Variants in WDR7 observed in about 807,000 individuals in gnomAD.
WDR7 encodes WD repeat domain 7.
In WDR7, 46 loss-of-function variants were observed where a neutral mutation model predicts 169.4. That is an observed-to-expected ratio of 0.27 (90% confidence interval 0.21 to 0.35). The LOEUF (loss-of-function observed/expected upper bound fraction) is 0.35, where lower values mean the gene tolerates loss of function less well. Among genes scored for constraint, WDR7 ranks in the 10% least tolerant of loss-of-function variants. The pLI is 1.00. For missense variants in WDR7, 1,534 were observed against 1,859.3 expected, an observed-to-expected ratio of 0.83 and a Z score of 3.22; for synonymous variants, 612 against 666.8, an observed-to-expected ratio of 0.92 and a Z score of 1.27.
intron 21 of WDR7, among the ~76,000 whole-genome samples, chr18:56,919,216 A>G (rs7240714): frequency 0.81 from 123,532 of 152,102 alleles, 50,623 homozygotes; most frequent in East Asian, 0.98. Flanking sequence ...TCCCTGGAAA[A>G]TAGGGAATTA....
chr18:56,928,285 G>A (rs184782894), intron 22 of WDR7, among the ~76,000 whole-genome samples: 6 of 151,918 alleles, frequency 3.9e-5, no homozygotes, highest in Admixed American at 2.6e-4. Flanking sequence ...GTAACATAGC[G>A]AGACCCCGTC....
At chr18:56,685,448 T>C (rs1164490472) in intron 5 of WDR7, among the ~76,000 whole-genome samples, 1 of 152,204 alleles carries the variant, frequency 6.6e-6, no homozygotes, top group Admixed American at 6.5e-5. Flanking sequence ...GTGACCCTGG[T>C]GCTGTCACTA....
chr18:56,729,488 C>T (rs571903709), intron 13 of WDR7, among the ~76,000 whole-genome samples: 1 of 152,060 alleles, frequency 6.6e-6, no homozygotes, highest in Admixed American at 6.6e-5. Flanking sequence ...ACTATGAATA[C>T]TCTTCTCTAA....
At chr18:56,894,209 C>A (rs989733904) in intron 21 of WDR7, among the ~76,000 whole-genome samples, 2 of 152,030 alleles carry the variant, frequency 1.3e-5, no homozygotes, top group Non-Finnish European at 2.9e-5. Flanking sequence ...GGCTTCCTGC[C>A]TCACCGTTTT....
At chr18:56,717,635 A>G (rs2026221674) in intron 12 of WDR7, among the ~76,000 whole-genome samples, 1 of 152,234 alleles carries the variant, frequency 6.6e-6, no homozygotes, top group Non-Finnish European at 1.5e-5. Context: ...GAAAGAGCAC[A>G]CCTAATAACA....
At chr18:56,736,866 C>A (rs1355917601) in intron 14 of WDR7, among the ~76,000 whole-genome samples, 4 of 151,990 alleles carry the variant, frequency 2.6e-5, no homozygotes, top group African/African-American at 4.8e-5. Flanking sequence ...GATCACTGAG[C>A]ATTTATGTTG....
intron 20 of WDR7, among the ~76,000 whole-genome samples, chr18:56,848,295 G>A (rs1265045847): frequency 6.6e-6 from 1 of 152,114 alleles, no homozygotes; most frequent in Admixed American, 6.5e-5. Flanking sequence ...TCTTCCTTTT[G>A]GAATGGGAAT....
At position 56,989,998 on chromosome 18, in the gene WDR7, G is replaced by T. The variant is rs138705489; in HGVS notation, c.4164+27469G>T. 2.8e-4 allele frequency among the ~76,000 whole-genome samples: 42 copies of T among 152,194 alleles called. No individual in the cohort carries two copies. The East Asian group carries it at 6.4e-3, about 23-fold the overall frequency. On this transcript the variant is annotated intron_variant, in intron 26 of 27. Coordinates refer to ENST00000254442, the MANE Select transcript of WDR7 (RefSeq NM_015285.3). ...GTAAAACTAATGTCTTTCTTTAAGT[G>T]GAAAGTTAACACTTCTTAAAGCATA...
chr18:56,671,089 A>T lies in WDR7; in HGVS notation c.-19-1408A>T, dbSNP rs538111125. Among the ~76,000 whole-genome samples the T allele has an allele frequency of 2.0e-5, 3 of 152,306 alleles. No individual in the cohort carries two copies. In the East Asian group the frequency reaches 5.8e-4, roughly 29 times the overall value. On this transcript the variant is annotated intron_variant, in intron 1 of 27. Coordinates refer to ENST00000254442, the MANE Select transcript of WDR7 (RefSeq NM_015285.3). ...TCTCCTGCAAGAGGTGCACTCCAGG[A>T]TGCTCTGGTTAATCTATTACTATCT...
At chr18:56,998,435 C>T (rs1228633796) in intron 26 of WDR7, among the ~76,000 whole-genome samples, 1 of 152,080 alleles carries the variant, frequency 6.6e-6, no homozygotes, top group Non-Finnish European at 1.5e-5. Context: ...ACATGGGAGT[C>T]GGGGCATACT....
chr18:56,892,841 TTAGA>T (rs1905025308), intron 21 of WDR7, among the ~76,000 whole-genome samples: 1 of 151,920 alleles, frequency 6.6e-6, no homozygotes, highest in African/African-American at 2.4e-5. Flanking sequence ...GTAGTAACAT[TTAGA>T]TAGTTTTAGT....
chr18:56,954,661 A>T (rs972245255), intron 25 of WDR7, among the ~76,000 whole-genome samples: 1 of 152,130 alleles, frequency 6.6e-6, no homozygotes, highest in African/African-American at 2.4e-5. Context: ...CTGTTTTTCT[A>T]TGATAAATCA....
rs71169386 is a variant in WDR7, at chr18:56,666,201, CTTTTTTT to C, written c.-19-6283_-19-6277del. On this transcript the variant is annotated intron_variant, in intron 1 of 27. Transcript: ENST00000254442. ...TACTATTTCATCTTCATTCCTTCGT[CTTTTTTT>C]TTTTTTTTTTTTGAGCCGCAGTTTC... is the stretch of plus-strand genomic sequence containing the variant. Among the ~76,000 whole-genome samples, 218 of 101,018 alleles carry C rather than the reference CTTTTTTT, an allele frequency of 2.2e-3. 2 individuals carry two copies. Among genetic ancestry groups the C allele is most frequent in the African/African-American group, 7.6e-3 (207 of 27,316 alleles). 66.3% of individuals were successfully genotyped at this position (101,018 alleles called of 152,430 possible).
intron 19 of WDR7, among the ~76,000 whole-genome samples, chr18:56,811,128 T>C (rs2044861530): frequency 6.6e-6 from 1 of 152,244 alleles, no homozygotes; most frequent in Admixed American, 6.5e-5. Context: ...CTTCATTTCT[T>C]TGTATTGCTA....
At position 56,942,925 on chromosome 18, in the gene WDR7, C is replaced by A. The variant is rs1787470; in HGVS notation, c.4064+3532C>A. Among the ~76,000 whole-genome samples, 832 of 152,228 alleles carry A rather than the reference C, an allele frequency of 5.5e-3. 8 individuals carry two copies. The highest frequency in any genetic ancestry group is 0.019 in the African/African-American group (802 of 41,538). ...ATTATGAAAATAAAGTCCACATAGG[C>A]CCATTTATTTGTGAGTCAGCACATA... On this transcript the variant is annotated intron_variant, in intron 25 of 27. Coordinates refer to ENST00000254442, the MANE Select transcript of WDR7 (RefSeq NM_015285.3).
At chr18:56,685,122 A>G (rs1052925521) in intron 5 of WDR7, among the ~76,000 whole-genome samples, 3 of 152,194 alleles carry the variant, frequency 2.0e-5, no homozygotes, top group African/African-American at 7.2e-5. Context: ...ACTATGTGAT[A>G]TTGATAAGGT....
At chr18:56,677,499 G>A (rs554697100) in intron 2 of WDR7, among the ~76,000 whole-genome samples, 1 of 152,042 alleles carries the variant, frequency 6.6e-6, no homozygotes, top group African/African-American at 2.4e-5. Flanking sequence ...ACAGATGTGT[G>A]CCACCCCACC....
At chr18:56,698,627 G>C (rs1568144332) in intron 12 of WDR7, among the ~76,000 whole-genome samples, 1 of 150,658 alleles carries the variant, frequency 6.6e-6, no homozygotes. Context: ...AAAAAATTCA[G>C]ATTGGTATTT....
At chr18:56,746,931 G>A (rs893451864) in intron 14 of WDR7, among the ~76,000 whole-genome samples, 1 of 152,144 alleles carries the variant, frequency 6.6e-6, no homozygotes, top group Non-Finnish European at 1.5e-5. Context: ...CCAAGTGTCC[G>A]TTGGGAGTGA....
Sources: gnomAD v4.1 joint callset for allele counts (sites outside exome capture counted in the v4.1 genomes callset) on GRCh38, gnomAD v4.1.1 for gene constraint, MANE v1.5 for transcripts, NCBI Gene and HGNC (gene_info 2026-07-23, HGNC 2026-07-21) for gene names.